SCMH1: variants seen among roughly 807,000 people sequenced by gnomAD.
The protein encoded by SCMH1 is polycomb protein SCMH1.
SCMH1 carries 37 observed loss-of-function variants against 70.8 expected under a neutral mutation model. That is an observed-to-expected ratio of 0.52 (90% confidence interval 0.40 to 0.69). The LOEUF (loss-of-function observed/expected upper bound fraction) is 0.69, where lower values mean the gene tolerates loss of function less well. Among genes scored for constraint, SCMH1 ranks in the 30% least tolerant of loss-of-function variants. The pLI, the probability that SCMH1 is intolerant of heterozygous loss-of-function variation, is 0.00. For synonymous variants in SCMH1, 292 were observed against 307.4 expected, an observed-to-expected ratio of 0.95 and a Z score of 0.52; for missense variants, 607 against 827.3, an observed-to-expected ratio of 0.73 and a Z score of 3.27.
intron 8 of SCMH1, among the ~76,000 whole-genome samples, chr1:41,087,937 GGTGTGTGTGTGT>G (rs55721560): frequency 7.2e-6 from 1 of 139,844 alleles, no homozygotes; most frequent in East Asian, 2.1e-4. Flanking sequence ...TATAGTTTCT[GGTGTGTGTGTGT>G]GTGTGTGTGT....
At chr1:41,187,037 C>T (rs577999308) in intron 1 of SCMH1, among the ~76,000 whole-genome samples, 1 of 152,092 alleles carries the variant, frequency 6.6e-6, no homozygotes, top group Non-Finnish European at 1.5e-5. Flanking sequence ...TTATTACAGT[C>T]GGAGTGGGAG....
chr1:41,205,365 A>C (rs1441846674), intron 1 of SCMH1, among the ~76,000 whole-genome samples: 2 of 152,190 alleles, frequency 1.3e-5, no homozygotes, highest in Admixed American at 6.5e-5. Context: ...CCATGGTCTT[A>C]GCAACTGGCA....
intron 1 of SCMH1, among the ~76,000 whole-genome samples, chr1:41,192,381 G>A (rs1651911061): frequency 6.6e-6 from 1 of 152,046 alleles, no homozygotes; most frequent in South Asian, 2.1e-4. Flanking sequence ...TCACTTACCA[G>A]TTGTATTAAC....
At chr1:41,033,920 A>G in intron 13 of SCMH1, 63 bp downstream of exon 14, 1 of 1,610,332 alleles carries the variant, frequency 6.2e-7, no homozygotes, top group South Asian at 1.1e-5. Flanking sequence ...AGCCTATCAC[A>G]AAGTACTCTT....
At chr1:41,122,000 T>C (rs1672068738) in intron 6 of SCMH1, among the ~76,000 whole-genome samples, 1 of 152,170 alleles carries the variant, frequency 6.6e-6, no homozygotes, top group African/African-American at 2.4e-5. Flanking sequence ...ACTGCTATAT[T>C]ACCCTAATTT....
intron 2 of SCMH1, among the ~76,000 whole-genome samples, chr1:41,170,855 C>T (rs1322904392): frequency 6.6e-6 from 1 of 152,206 alleles, no homozygotes; most frequent in Non-Finnish European, 1.5e-5. Flanking sequence ...ATTAAGATTA[C>T]TTCCAAATTC....
At position 41,085,870 on chromosome 1, in the gene SCMH1, T is replaced by G. The variant is rs369494078; in HGVS notation, c.746-10419A>C. Among the ~76,000 whole-genome samples, 253 of 141,720 alleles carry G rather than the reference T, an allele frequency of 1.8e-3. 1 individual carries two copies. The highest frequency in any genetic ancestry group is 5.8e-3 in the African/African-American group (231 of 39,710). 93.0% of individuals were successfully genotyped at this position (141,720 alleles called of 152,430 possible). A position where few individuals can be genotyped will look rare whatever the true frequency, so the allele number is the denominator to read the frequency against. On this transcript the variant is annotated intron_variant, in intron 8 of 14. Coordinates refer to ENST00000337495, the Ensembl canonical transcript of SCMH1. Reference sequence around the variant, plus strand: ...TTTTTTTTTTTTTTGAGATGGAGTCTTGCTCTGTTGCCCAGGCTGGAGTGC... The same window carrying G: ...TTTTTTTTTTTTTTGAGATGGAGTCGTGCTCTGTTGCCCAGGCTGGAGTGC...
chr1:41,139,861 A>G (rs1012485212), intron 6 of SCMH1, among the ~76,000 whole-genome samples: 1 of 152,170 alleles, frequency 6.6e-6, no homozygotes, highest in African/African-American at 2.4e-5. Flanking sequence ...AGAATTATAT[A>G]TATTTCAGAA....
At chr1:41,143,390 C>G (rs1230247318) in intron 5 of SCMH1, among the ~76,000 whole-genome samples, 1 of 152,146 alleles carries the variant, frequency 6.6e-6, no homozygotes, top group Non-Finnish European at 1.5e-5. Context: ...CTATAATTCT[C>G]TAACTCCCTA....
At chr1:41,070,494 G>T (rs1656098875) in intron 10 of SCMH1, 101 bp downstream of exon 10, 2 of 1,412,518 alleles carry the variant, frequency 1.4e-6, no homozygotes, top group Admixed American at 2.3e-5. Flanking sequence ...TTTTACCTAG[G>T]TTTACAAGTG....
intron 7 of SCMH1, among the ~76,000 whole-genome samples, chr1:41,114,374 TCTTA>T (rs1343728652): frequency 4.6e-5 from 7 of 152,350 alleles, no homozygotes; most frequent in Admixed American, 2.6e-4. Flanking sequence ...GTTCCCTTAA[TCTTA>T]CTATCTGATC....
At chr1:41,047,766 C>G (rs1205154513) in intron 11 of SCMH1, among the ~76,000 whole-genome samples, 1 of 152,086 alleles carries the variant, frequency 6.6e-6, no homozygotes, top group Admixed American at 6.5e-5. Context: ...CCAAGTACTC[C>G]CTAGTCTGGG....
intron 8 of SCMH1, among the ~76,000 whole-genome samples, chr1:41,097,326 T>G (rs1181865209): frequency 6.6e-6 from 1 of 152,222 alleles, no homozygotes; most frequent in Admixed American, 6.5e-5. Context: ...TTTGCTTAGT[T>G]TGGCATCAAG....
intron 2 of SCMH1, among the ~76,000 whole-genome samples, chr1:41,167,668 G>C (rs1460743592): frequency 6.6e-6 from 1 of 152,134 alleles, no homozygotes; most frequent in Non-Finnish European, 1.5e-5. Context: ...ACTGTTCATA[G>C]TAGTCTTTCA....
At chr1:41,143,963 G>A (rs1404831156) in intron 5 of SCMH1, among the ~76,000 whole-genome samples, 3 of 152,144 alleles carry the variant, frequency 2.0e-5, no homozygotes, top group Non-Finnish European at 2.9e-5. Flanking sequence ...CGGAGATTTG[G>A]TTTGTTCCAG....
chr1:41,126,242 C>A, intron 6 of SCMH1, among the ~76,000 whole-genome samples: 1 of 152,082 alleles, frequency 6.6e-6, no homozygotes. Context: ...TTAGAATATG[C>A]CCCATATTAA....
At chr1:41,108,494 G>T (rs1668544269) in intron 8 of SCMH1, among the ~76,000 whole-genome samples, 1 of 152,174 alleles carries the variant, frequency 6.6e-6, no homozygotes, top group East Asian at 1.9e-4. Flanking sequence ...ACTAAAGCAT[G>T]TATCTGTTTC....
intron 12 of SCMH1, among the ~76,000 whole-genome samples, chr1:41,044,204 A>G (rs1244173638): frequency 6.6e-6 from 1 of 152,082 alleles, no homozygotes; most frequent in Non-Finnish European, 1.5e-5. Context: ...AGACAAGGAT[A>G]TAGGAAAGGG....
At chr1:41,228,759 A>G (rs1660753952) in intron 1 of SCMH1, among the ~76,000 whole-genome samples, 1 of 152,172 alleles carries the variant, frequency 6.6e-6, no homozygotes, top group East Asian at 1.9e-4. Context: ...GAAAAAAAAA[A>G]AGAAAGGAAT....
Sources: allele counts gnomAD v4.1 joint callset (sites outside exome capture counted in the v4.1 genomes callset), GRCh38; gene constraint gnomAD v4.1.1; transcripts MANE v1.5; gene names NCBI Gene and HGNC (gene_info 2026-07-23, HGNC 2026-07-21).